PISD: variants seen among roughly 807,000 people sequenced by gnomAD.
PISD encodes phosphatidylserine decarboxylase, also known as phosphatidylserine decarboxylase proenzyme, mitochondrial.
PISD carries 31 observed loss-of-function variants against 43.5 expected under a neutral mutation model. That is an observed-to-expected ratio of 0.71 (90% CI 0.54 to 0.96). PISD has a LOEUF of 0.96. Ranked by LOEUF, PISD falls within the 40% of genes least tolerant of loss-of-function variation. PISD has a pLI of 0.00. For synonymous variants in PISD, 259 were observed against 228.7 expected (o/e 1.13, Z -1.20); for missense variants, 523 against 548.4 (o/e 0.95, Z 0.46).
At chr22:31,640,378 G>A (rs1027967497) in intron 3 of PISD, among the ~76,000 whole-genome samples, 1 of 151,240 alleles carries the variant, frequency 6.6e-6, no homozygotes, top group Non-Finnish European at 1.5e-5. Flanking sequence ...TGTATTTTGA[G>A]CAGAGATGAG....
At chr22:31,628,992 G>A (rs2073056935) in intron 3 of PISD, 6 of 985,448 alleles carry the variant, frequency 6.1e-6, no homozygotes, top group Non-Finnish European at 7.2e-6. Context: ...CTGTGAATAG[G>A]AAACAATGGC....
intron 1 of PISD, among the ~76,000 whole-genome samples, chr22:31,655,934 G>A (rs1023766390): frequency 6.6e-6 from 1 of 152,152 alleles, no homozygotes; most frequent in Non-Finnish European, 1.5e-5. Context: ...ACTGCACCCA[G>A]CCCAGGACTC....
At chr22:31,649,666 G>C (rs2147789516) in intron 2 of PISD, among the ~76,000 whole-genome samples, 1 of 152,104 alleles carries the variant, frequency 6.6e-6, no homozygotes, top group South Asian at 2.1e-4. Flanking sequence ...CCAGGATGCG[G>C]AGCTTGCAGT....
chr22:31,655,684 G>C (rs1417096697), intron 1 of PISD, among the ~76,000 whole-genome samples: 2 of 151,478 alleles, frequency 1.3e-5, no homozygotes, highest in Non-Finnish European at 2.9e-5. Context: ...ACCCAGGCTG[G>C]AGTTCAGTGG....
intron 3 of PISD, among the ~76,000 whole-genome samples, chr22:31,636,459 T>G (rs1043948491): frequency 1.2e-4 from 18 of 152,098 alleles, no homozygotes; most frequent in African/African-American, 1.7e-4. Context: ...ACCTTCCGGG[T>G]TCAAGCGATT....
Position 31,637,815 on chromosome 22 carries a change from G to C in PISD, c.321+10286C>G, listed in dbSNP as rs966362369. ...CCCCTCACCCGGCACTGGCTATCTT[G>C]AATCAGTGAAGAGGAAAGCTCTTCA... On this transcript the variant is annotated intron_variant, in intron 3 of 7. Coordinates refer to ENST00000439502, the MANE Select transcript of PISD (RefSeq NM_001326411.2). Among the ~76,000 whole-genome samples the C allele has an allele frequency of 2.6e-5, 4 of 152,194 alleles. No individual in the cohort carries two copies. In the South Asian group the frequency reaches 6.2e-4, roughly 24 times the overall value.
At chr22:31,643,455 C>G (rs1248776848) in intron 3 of PISD, among the ~76,000 whole-genome samples, 1 of 151,958 alleles carries the variant, frequency 6.6e-6, no homozygotes, top group Non-Finnish European at 1.5e-5. Flanking sequence ...TATAAAACTA[C>G]CCTGGCGAAG....
intron 3 of PISD, among the ~76,000 whole-genome samples, chr22:31,633,815 C>T (rs1347501155): frequency 2.6e-5 from 4 of 152,236 alleles, no homozygotes; most frequent in Admixed American, 2.0e-4. Context: ...ACCTCCACCA[C>T]ACATATTTTC....
chr22:31,642,151 G>A (rs533511687), intron 3 of PISD, among the ~76,000 whole-genome samples: 4 of 151,368 alleles, frequency 2.6e-5, no homozygotes, highest in East Asian at 1.9e-4. Context: ...GGACCTGGGC[G>A]CCTGTCACCA....
intron 1 of PISD, among the ~76,000 whole-genome samples, chr22:31,661,667 G>A (rs1349911414): frequency 6.6e-6 from 1 of 152,108 alleles, no homozygotes; most frequent in Non-Finnish European, 1.5e-5. Context: ...GGTCACAAGG[G>A]TAACCAAGAC....
At chr22:31,656,196 T>G (rs2074168250) in intron 1 of PISD, among the ~76,000 whole-genome samples, 2 of 151,852 alleles carry the variant, frequency 1.3e-5, no homozygotes, top group Admixed American at 1.3e-4. Flanking sequence ...TACAAAAAAT[T>G]AGACGGGTGT....
At chr22:31,628,796 AC>A in intron 3 of PISD, 1 of 983,524 alleles carries the variant, frequency 1.0e-6, no homozygotes, top group Non-Finnish European at 1.2e-6. Context: ...CTGCTCAGAA[AC>A]CCCACTTCCA....
intron 1 of PISD, among the ~76,000 whole-genome samples, chr22:31,658,468 G>A (rs1350403835): frequency 6.6e-6 from 1 of 152,294 alleles, no homozygotes; most frequent in African/African-American, 2.4e-5. Context: ...GACATACACT[G>A]AGATGGTCAT....
intron 5 of PISD, 89 bp from the exon 6 acceptor site, chr22:31,621,231 AG>A: frequency 6.2e-7 from 1 of 1,610,016 alleles, no homozygotes; most frequent in Admixed American, 1.7e-5. Flanking sequence ...ATTCTCAGGG[AG>A]GCCCCACATG....
chr22:31,662,448 T>A, upstream of PISD: 1 of 544,478 alleles, frequency 1.8e-6, no homozygotes, highest in Non-Finnish European at 3.3e-6. Flanking sequence ...CCACTCCTCC[T>A]CCTTCCCTCT....
At position 31,619,279 on chromosome 22, in the gene PISD, C is replaced by G; in HGVS notation, c.*333G>C. ...AGGAGCAGCAAGAAAAAACGACAAC[C>G]GAGACCAACTGAAGGTTCGGTCAGG... is the stretch of plus-strand genomic sequence containing the variant. On this transcript the variant is annotated 3_prime_UTR_variant, in exon 8 of 8. Coordinates refer to ENST00000439502, the MANE Select transcript of PISD (RefSeq NM_001326411.2). 1.4e-5 allele frequency: 5 copies of G among 354,084 alleles called. No homozygotes were observed. The highest frequency in any genetic ancestry group is 6.8e-5 in the South Asian group (3 of 44,024). The allele number at this position is 354,084 out of a possible 1,614,324, so 21.9% of individuals were successfully genotyped here.
chr22:31,662,556 C>G (rs780828730), upstream of PISD: 1 of 361,260 alleles, frequency 2.8e-6, no homozygotes, highest in Non-Finnish European at 5.5e-6. Context: ...GATGGGGAAA[C>G]TGGGCATCCA....
chr22:31,642,656 G>A (rs771179267), intron 3 of PISD, among the ~76,000 whole-genome samples: 1 of 150,464 alleles, frequency 6.6e-6, no homozygotes, highest in Non-Finnish European at 1.5e-5. Context: ...AGCTGGGCGT[G>A]GTGGTGCGCG....
At chr22:31,623,469 C>T (rs559486576) in intron 3 of PISD, among the ~76,000 whole-genome samples, 2 of 152,352 alleles carry the variant, frequency 1.3e-5, no homozygotes, top group Admixed American at 6.5e-5. Flanking sequence ...GGGCAGGGCA[C>T]GACATGCCCT....
Sources: allele counts gnomAD v4.1 joint callset (sites outside exome capture counted in the v4.1 genomes callset), GRCh38; gene constraint gnomAD v4.1.1; transcripts MANE v1.5; gene names NCBI Gene and HGNC (gene_info 2026-07-23, HGNC 2026-07-21).